ITFG2: variants seen among roughly 807,000 people sequenced by gnomAD.
The protein encoded by ITFG2 is integrin alpha FG-GAP repeat containing 2.
A neutral mutation model predicts 54.4 loss-of-function variants in ITFG2; 36 were observed. That is an observed-to-expected ratio of 0.66 (90% CI 0.51 to 0.87). The LOEUF (loss-of-function observed/expected upper bound fraction) is 0.87. Among genes scored for constraint, ITFG2 ranks in the 40% least tolerant of loss-of-function variants. The pLI is 0.00. For synonymous variants in ITFG2, 211 were observed against 225.4 expected, an observed-to-expected ratio of 0.94 and a Z score of 0.57; for missense variants, 524 against 576.7, an observed-to-expected ratio of 0.91 and a Z score of 0.94.
intron 1 of ITFG2, among the ~76,000 whole-genome samples, chr12:2,840,199 A>G (rs1603485422): frequency 6.6e-6 from 1 of 152,222 alleles, no homozygotes; most frequent in East Asian, 1.9e-4. Context: ...CTATAATTCC[A>G]GCACTTTGGG....
At chr12:2,837,371 A>C (rs1248106225) in intron 1 of ITFG2, among the ~76,000 whole-genome samples, 1 of 152,152 alleles carries the variant, frequency 6.6e-6, no homozygotes, top group East Asian at 1.9e-4. Flanking sequence ...CCAGCTACTC[A>C]GGAGGCTGAG....
In ITFG2 at chr12:2,820,139, G is replaced by A; in HGVS notation, c.460G>A (p.Ala154Thr). 1 of 1,614,032 alleles carries A rather than the reference G, an allele frequency of 6.2e-7. No homozygotes were observed. Among genetic ancestry groups the A allele is most frequent in the Non-Finnish European group, 8.5e-7 (1 of 1,179,944 alleles). The change falls in exon 5 of 12, where the codon GCT (alanine) becomes ACT (threonine). Residue 154 changes from alanine to threonine, a missense_variant. Coordinates refer to ENST00000228799, the MANE Select transcript of ITFG2 (RefSeq NM_018463.4). ...GGGCTACACAGACCGTGTGGTGCGA[G>A]CTTTCCGCTGGGAGGAGCTAGGTGA... ...VVGYTDRVVR[A>T]FRWEELGEGP...
At chr12:2,847,478 C>T (rs1484082387) in intron 2 of ITFG2, among the ~76,000 whole-genome samples, 4 of 151,982 alleles carry the variant, frequency 2.6e-5, no homozygotes, top group East Asian at 1.9e-4. Flanking sequence ...CCATCCTGGC[C>T]AACACGGTGA....
intron 3 of ITFG2, chr12:2,858,863 A>G (rs1484243734): frequency 1.2e-6 from 2 of 1,613,998 alleles, no homozygotes; most frequent in African/African-American, 2.7e-5. Flanking sequence ...AAGAGTTGCC[A>G]AAGGGGACGG....
intron 2 of ITFG2, among the ~76,000 whole-genome samples, chr12:2,856,216 C>G (rs2098086738): frequency 6.6e-6 from 1 of 152,180 alleles, no homozygotes; most frequent in East Asian, 1.9e-4. Context: ...GTGCTGGTGC[C>G]TGAGTGACAG....
chr12:2,854,811 C>G (rs190959244), intron 2 of ITFG2: 3 of 1,365,508 alleles, frequency 2.2e-6, no homozygotes, highest in African/African-American at 1.5e-5. Flanking sequence ...GGACAGAGTC[C>G]CGGTTAGAAA....
chr12:2,849,220 T>G, intron 2 of ITFG2: 1 of 1,532,064 alleles, frequency 6.5e-7, no homozygotes, highest in South Asian at 1.2e-5. Flanking sequence ...TCGTCCCCTC[T>G]GGAAGCCCTT....
chr12:2,812,904 G>C (rs750595473), intron 1 of ITFG2, 48 bp downstream of exon 1: 7 of 1,515,482 alleles, frequency 4.6e-6, no homozygotes, highest in East Asian at 2.3e-5. Flanking sequence ...GTGCAGGGAC[G>C]GGGCAAGGGA....
intron 1 of ITFG2, among the ~76,000 whole-genome samples, chr12:2,816,874 TCAAC>T (rs34272133): frequency 0.31 from 46,694 of 149,656 alleles, 9,222 homozygotes; most frequent in African/African-American, 0.55. Flanking sequence ...ATTCCTGAGC[TCAAC>T]CAACCAATCC....
chr12:2,817,965 G>A lies in ITFG2; in HGVS notation c.234+15G>A, dbSNP rs141869116. 353 of 1,613,230 alleles carry A rather than the reference G, an allele frequency of 2.2e-4. 2 individuals carry two copies. In the African/African-American group the frequency reaches 4.5e-3, roughly 20 times the overall value. On this transcript the variant is annotated intron_variant, in intron 3 of 11. Coordinates refer to ENST00000228799, the MANE Select transcript of ITFG2 (RefSeq NM_018463.4). ...ATAAAGGAAAGGTAAGAACTATAGGGGACCTTCCTTGGTTCTTAGCTCACA... is the reference window on the plus strand; with the variant it reads ...ATAAAGGAAAGGTAAGAACTATAGGAGACCTTCCTTGGTTCTTAGCTCACA...
At chr12:2,823,668 G>C in intron 10 of ITFG2, 102 bp from the exon 11 acceptor site, 1 of 1,370,706 alleles carries the variant, frequency 7.3e-7, no homozygotes, top group Non-Finnish European at 9.7e-7. Context: ...ACATCAGTGG[G>C]AGGATGGAAA....
chr12:2,818,011 A>C, intron 3 of ITFG2, 61 bp downstream of exon 3: 1 of 1,609,972 alleles, frequency 6.2e-7, no homozygotes, highest in Non-Finnish European at 8.5e-7. Flanking sequence ...GTTGAAGGTT[A>C]AAGGCTTCAG....
chr12:2,833,751 A>G (rs1308903884), upstream of ITFG2, among the ~76,000 whole-genome samples: 1 of 152,172 alleles, frequency 6.6e-6, no homozygotes. Flanking sequence ...TAGCATTTAG[A>G]TAGTGCCTGC....
rs2097911606 is a variant in ITFG2, at chr12:2,812,676, T to C, written c.-85T>C. 3 of 1,093,932 alleles carry C rather than the reference T, an allele frequency of 2.7e-6. No homozygotes were observed. The highest frequency in any genetic ancestry group is 1.7e-5 in the Admixed American group (1 of 57,662). 67.8% of individuals were successfully genotyped at this position (1,093,932 alleles called of 1,614,324 possible). A position where few individuals can be genotyped will look rare whatever the true frequency, so the allele number is the denominator to read the frequency against. On this transcript the variant is annotated 5_prime_UTR_variant, in exon 1 of 12. Coordinates refer to ENST00000228799, the MANE Select transcript of ITFG2 (RefSeq NM_018463.4). ...CAGTGACGTAACTTGCTGCCTTAGG[T>C]GGCCTTCCGCTCTGGCGGCTGTCGC...
intron 4 of ITFG2, 76 bp from the exon 5 acceptor site, chr12:2,820,010 G>A: frequency 6.6e-7 from 1 of 1,525,786 alleles, no homozygotes; most frequent in East Asian, 2.3e-5. Flanking sequence ...GCACTGGCTG[G>A]AAGGTGCCAC....
downstream of ITFG2, among the ~76,000 whole-genome samples, chr12:2,831,071 T>C (rs2098000247): frequency 6.6e-6 from 1 of 151,422 alleles, no homozygotes; most frequent in Non-Finnish European, 1.5e-5. Flanking sequence ...CATAGATTGC[T>C]CAGCAGTGAA....
At chr12:2,835,670 C>G (rs1172814519), upstream of ITFG2, 1 of 152,188 alleles carries the variant, frequency 6.6e-6, no homozygotes, top group Admixed American at 6.5e-5. Flanking sequence ...AAAAATGTTG[C>G]ATTTCAAATA....
chr12:2,830,771 A>G, intron 2 of ITFG2: 2 of 1,613,994 alleles, frequency 1.2e-6, no homozygotes, highest in Non-Finnish European at 1.7e-6. Flanking sequence ...TCTCCTGGCC[A>G]TGAATCAGGT....
At chr12:2,831,217 T>C (rs533336366), downstream of ITFG2, among the ~76,000 whole-genome samples, 10 of 151,922 alleles carry the variant, frequency 6.6e-5, no homozygotes, top group Non-Finnish European at 1.3e-4. Context: ...GTTTTTTTTT[T>C]CTTCCCCTCT....
Sources: gnomAD v4.1 joint callset for allele counts (sites outside exome capture counted in the v4.1 genomes callset) on GRCh38, gnomAD v4.1.1 for gene constraint, MANE v1.5 for transcripts, NCBI Gene and HGNC (gene_info 2026-07-23, HGNC 2026-07-21) for gene names.